INSIG2: variants seen among roughly 807,000 people sequenced by gnomAD.
INSIG2 encodes insulin induced gene 2, also known as insulin-induced gene 2 protein.
In INSIG2, 10 loss-of-function variants were observed where a neutral mutation model predicts 27.2. That is an observed-to-expected ratio of 0.37 (90% CI 0.23 to 0.62). INSIG2 has a LOEUF of 0.62. INSIG2 is among the 20% of genes least tolerant of loss of function. INSIG2 has a pLI of 0.65. For missense variants in INSIG2, 178 were observed against 270.2 expected, an observed-to-expected ratio of 0.66 and a Z score of 2.39; for synonymous variants, 97 against 95.8, an observed-to-expected ratio of 1.01 and a Z score of -0.07.
At chr2:118,099,929 A>T (rs1558835159) in intron 2 of INSIG2, among the ~76,000 whole-genome samples, 1 of 151,988 alleles carries the variant, frequency 6.6e-6, no homozygotes, top group Admixed American at 6.6e-5. Context: ...TGGTACCCTC[A>T]CTGCTAAGAA....
At chr2:118,093,209 AGATGATGATGATGATGAT>A (rs72489038) in intron 1 of INSIG2, among the ~76,000 whole-genome samples, 415 of 8,192 alleles carry the variant, frequency 0.051, 50 homozygotes, top group East Asian at 0.13. Flanking sequence ...AAAAGCAACC[AGATGATGATGATGATGAT>A]GATGATGATG....
At chr2:118,106,635 A>G in intron 3 of INSIG2, 102 bp from the exon 4 acceptor site, 1 of 863,908 alleles carries the variant, frequency 1.2e-6, no homozygotes, top group South Asian at 1.7e-5. Flanking sequence ...GAGTAGAAGC[A>G]ATTAATTCCC....
intron 3 of INSIG2, 53 bp from the exon 4 acceptor site, chr2:118,106,684 G>A (rs935499678): frequency 6.9e-7 from 1 of 1,456,800 alleles, no homozygotes; most frequent in Non-Finnish European, 9.5e-7. Flanking sequence ...AAAATGAACA[G>A]ATGATATTAT....
chr2:118,109,395 C>T lies in INSIG2; in HGVS notation c.*1073C>T, dbSNP rs919572198. On this transcript the variant is annotated 3_prime_UTR_variant, in exon 6 of 6. Transcript: ENST00000245787. ...ATGAATACATAATTTCTCATGTATT[C>T]GTGTATCCATTAGTGAATAGTTCAA... 2 of 151,914 alleles carry T rather than the reference C, an allele frequency of 1.3e-5. No individual in the cohort carries two copies. Among genetic ancestry groups the T allele is most frequent in the African/African-American group, 4.8e-5 (2 of 41,308 alleles). The allele number at this position is 151,914 out of a possible 1,614,324, so 9.4% of individuals were successfully genotyped here.
At chr2:118,089,054 G>T (rs1173148853) in intron 1 of INSIG2, among the ~76,000 whole-genome samples, 23 of 152,166 alleles carry the variant, frequency 1.5e-4, no homozygotes, top group Non-Finnish European at 2.6e-4. Context: ...GACTGGAATT[G>T]GTTACCTATG....
At chr2:118,093,938 T>G (rs1216168329) in intron 1 of INSIG2, among the ~76,000 whole-genome samples, 28 of 20,092 alleles carry the variant, frequency 1.4e-3, no homozygotes, top group Non-Finnish European at 2.1e-3. Context: ...ATGATGATGA[T>G]GATGAGGAGG....
chr2:118,098,309 T>A (rs1424548188), intron 2 of INSIG2, among the ~76,000 whole-genome samples: 1 of 152,200 alleles, frequency 6.6e-6, no homozygotes, highest in Non-Finnish European at 1.5e-5. Flanking sequence ...ATTGAATGTC[T>A]GCTAATGTGC....
intron 2 of INSIG2, among the ~76,000 whole-genome samples, chr2:118,097,885 T>C (rs1384702581): frequency 6.6e-6 from 1 of 152,208 alleles, no homozygotes; most frequent in Non-Finnish European, 1.5e-5. Flanking sequence ...TAGAATGGCC[T>C]TGTGAAACTT....
chr2:118,108,440 G>T lies in INSIG2; in HGVS notation c.*118G>T, dbSNP rs181008966. The T allele has an allele frequency of 1.0e-4, 73 of 705,330 alleles. No homozygotes were observed. The African/African-American group carries it at 1.2e-3, about 12-fold the overall frequency. 43.7% of individuals were successfully genotyped at this position (705,330 alleles called of 1,614,324 possible). On this transcript the variant is annotated 3_prime_UTR_variant, in exon 6 of 6. Coordinates refer to ENST00000245787, the MANE Select transcript of INSIG2 (RefSeq NM_016133.4). ...CAGGATGCAGTTTTCCCCTTGATTG[G>T]CGTGTGTGTATATATGGATAAATAT...
Position 118,089,408 on chromosome 2 carries a change from G to A in INSIG2, c.-139+867G>A, listed in dbSNP as rs186250760. Among the ~76,000 whole-genome samples, 713 of 152,276 alleles carry A rather than the reference G, an allele frequency of 4.7e-3. 8 individuals are homozygous for A. Among genetic ancestry groups the A allele is most frequent in the African/African-American group, 0.016 (675 of 41,544 alleles). ...ACTGAAACTGTTTGGTATCAGTATT[G>A]CGGTGGAGCTGAGGACTGCAGGGGA... On this transcript the variant is annotated intron_variant, in intron 1 of 5. Coordinates refer to ENST00000245787, the MANE Select transcript of INSIG2 (RefSeq NM_016133.4).
At chr2:118,098,329 C>T (rs1358651087) in intron 2 of INSIG2, among the ~76,000 whole-genome samples, 3 of 152,112 alleles carry the variant, frequency 2.0e-5, no homozygotes, top group African/African-American at 7.2e-5. Context: ...CTAGGTACAT[C>T]CTGTAATCCC....
Position 118,096,494 on chromosome 2 carries a change from G to C in INSIG2, c.-63G>C, listed in dbSNP as rs989287944. ...CAGTCTTTGATTCACAGACAGTTGA[G>C]CTTTTCAGCTGGGAAGCCTTTCCAT... On this transcript the variant is annotated 5_prime_UTR_variant, in exon 2 of 6. Transcript: ENST00000245787. 6.6e-6 allele frequency: 10 copies of C among 1,523,788 alleles called. No individual in the cohort carries two copies. Among genetic ancestry groups the C allele is most frequent in the Non-Finnish European group, 8.8e-6 (10 of 1,138,276 alleles). 94.4% of individuals were successfully genotyped at this position (1,523,788 alleles called of 1,614,324 possible). A position where few individuals can be genotyped will look rare whatever the true frequency, so the allele number is the denominator to read the frequency against.
chr2:118,096,452 T>G lies in INSIG2; in HGVS notation c.-105T>G. 8.6e-7 allele frequency: 1 copy of G among 1,159,042 alleles called. No individual in the cohort carries two copies. Among genetic ancestry groups the G allele is most frequent in the Non-Finnish European group, 1.2e-6 (1 of 830,162 alleles). 71.8% of individuals were successfully genotyped at this position (1,159,042 alleles called of 1,614,324 possible). On this transcript the variant is annotated 5_prime_UTR_variant, in exon 2 of 6. Coordinates refer to ENST00000245787, the MANE Select transcript of INSIG2 (RefSeq NM_016133.4). ...GTAGGTCCTACTTTAGGACAAGATG[T>G]GGTACCGTTGAAGCGTCAGTCTTTG...
intron 1 of INSIG2, among the ~76,000 whole-genome samples, chr2:118,092,427 C>T (rs62163650): frequency 2.0e-5 from 3 of 152,078 alleles, no homozygotes; most frequent in Non-Finnish European, 2.9e-5. Context: ...GTATAGTCAC[C>T]TGCTTGTTTT....
At chr2:118,091,070 C>G (rs1678214081) in intron 1 of INSIG2, among the ~76,000 whole-genome samples, 5 of 152,068 alleles carry the variant, frequency 3.3e-5, no homozygotes. Flanking sequence ...TTTGGAGCAT[C>G]AAGTTTATCA....
In INSIG2 at chr2:118,107,185, C is replaced by A. The variant is rs141338315; in HGVS notation, c.632C>A (p.Ala211Glu). 8 of 1,600,196 alleles carry A rather than the reference C, an allele frequency of 5.0e-6. No individual in the cohort carries two copies. In the African/African-American group the frequency reaches 9.4e-5, roughly 19 times the overall value. The change falls in exon 5 of 6, where the codon GCA becomes GAA. Residue 211 changes from alanine (A) to glutamate (E), a missense_variant. Coordinates refer to ENST00000245787, the MANE Select transcript of INSIG2 (RefSeq NM_016133.4). ...ATGGGAAACATTGGTCGACAACTGG[C>A]AATGGTAAGCTGATGCTCACTTTTC... ...ITMGNIGRQL[A>E]MYECKVIAEK...
At chr2:118,104,811 C>A (rs936025658) in intron 3 of INSIG2, among the ~76,000 whole-genome samples, 34 of 152,244 alleles carry the variant, frequency 2.2e-4, no homozygotes, top group African/African-American at 8.2e-4. Context: ...TTAGACACTT[C>A]CACTTTGATT....
At position 118,093,941 on chromosome 2, in the gene INSIG2, T is replaced by TGAGGAG. The variant is rs1331616893; in HGVS notation, c.-138-2450_-138-2445dup. Among the ~76,000 whole-genome samples, 13 of 7,074 alleles carry TGAGGAG rather than the reference T, an allele frequency of 1.8e-3. 2 individuals are homozygous for TGAGGAG. Among genetic ancestry groups the TGAGGAG allele is most frequent in the African/African-American group, 3.1e-3 (7 of 2,236 alleles). The allele number at this position is 7,074 out of a possible 152,430, so 4.6% of individuals were successfully genotyped here. ...AGCAACCAGATGATGATGATGATGA[T>TGAGGAG]GAGGAGGAGGAGGAGGAGGAGGAGG... On this transcript the variant is annotated intron_variant, in intron 1 of 5. Coordinates refer to ENST00000245787, the MANE Select transcript of INSIG2 (RefSeq NM_016133.4).
intron 2 of INSIG2, among the ~76,000 whole-genome samples, chr2:118,100,965 A>G (rs557528287): frequency 1.3e-3 from 197 of 151,572 alleles, no homozygotes; most frequent in Non-Finnish European, 2.2e-3. Context: ...GTCACTGGGA[A>G]ATAACTTAAA....
Sources: allele counts gnomAD v4.1 joint callset (sites outside exome capture counted in the v4.1 genomes callset), GRCh38; gene constraint gnomAD v4.1.1; transcripts MANE v1.5; gene names NCBI Gene and HGNC (gene_info 2026-07-23, HGNC 2026-07-21).